Variants in SPATS2L observed in about 807,000 individuals in gnomAD.
The protein encoded by SPATS2L is spermatogenesis associated serine rich 2 like, also known as SPATS2-like protein.
A neutral mutation model predicts 59.6 loss-of-function variants in SPATS2L; 30 were observed. That is an observed-to-expected ratio of 0.50 (90% CI 0.38 to 0.68). The LOEUF (loss-of-function observed/expected upper bound fraction) is 0.68, where lower values mean the gene tolerates loss of function less well. Among genes scored for constraint, SPATS2L ranks in the 30% least tolerant of loss-of-function variants. SPATS2L has a pLI of 0.00. For missense variants in SPATS2L, 615 were observed against 700.0 expected, an observed-to-expected ratio of 0.88 and a Z score of 1.37; for synonymous variants, 252 against 263.5, an observed-to-expected ratio of 0.96 and a Z score of 0.42.
At chr2:200,328,874 G>A (rs1385216140) in intron 1 of SPATS2L, among the ~76,000 whole-genome samples, 1 of 152,120 alleles carries the variant, frequency 6.6e-6, no homozygotes, top group Non-Finnish European at 1.5e-5. Flanking sequence ...GAGAGGAGAG[G>A]ATTATAACAA....
intron 2 of SPATS2L, among the ~76,000 whole-genome samples, chr2:200,345,582 C>T (rs764573956): frequency 2.0e-5 from 3 of 152,068 alleles, no homozygotes; most frequent in Non-Finnish European, 2.9e-5. Flanking sequence ...TTCCTACTCC[C>T]AAATCCCAGG....
intron 3 of SPATS2L, among the ~76,000 whole-genome samples, chr2:200,403,837 C>T (rs1245174109): frequency 6.8e-6 from 1 of 146,978 alleles, no homozygotes; most frequent in East Asian, 1.9e-4. Context: ...CATCATTCAT[C>T]AAGGTCATTT....
intron 2 of SPATS2L, among the ~76,000 whole-genome samples, chr2:200,382,058 G>T (rs368366189): frequency 6.6e-5 from 10 of 152,102 alleles, no homozygotes; most frequent in Admixed American, 3.9e-4. Context: ...CCGTTTTTTG[G>T]TGGGGTCGGG....
At chr2:200,424,332 A>AT (rs2083437759) in intron 6 of SPATS2L, among the ~76,000 whole-genome samples, 1 of 151,924 alleles carries the variant, frequency 6.6e-6, no homozygotes. Context: ...TTAAAAAAAA[A>AT]AGAAAAATTA....
At chr2:200,305,892 T>C, upstream of SPATS2L, 1 of 174,056 alleles carries the variant, frequency 5.7e-6, no homozygotes, top group Non-Finnish European at 1.1e-5. Context: ...CATTTCACTC[T>C]ACTGCCTCTG....
intron 2 of SPATS2L, among the ~76,000 whole-genome samples, chr2:200,373,713 A>G (rs1024178011): frequency 6.6e-6 from 1 of 152,208 alleles, no homozygotes; most frequent in African/African-American, 2.4e-5. Context: ...AGGTAAGTGT[A>G]ACTCGCCTAT....
intron 2 of SPATS2L, among the ~76,000 whole-genome samples, chr2:200,368,268 C>T (rs1387987798): frequency 4.6e-5 from 7 of 152,116 alleles, no homozygotes; most frequent in Non-Finnish European, 1.0e-4. Context: ...GTGGACAATA[C>T]ATAGTTTAGT....
intron 6 of SPATS2L, among the ~76,000 whole-genome samples, chr2:200,428,271 ATAT>A (rs2083702555): frequency 6.6e-6 from 1 of 152,216 alleles, no homozygotes; most frequent in African/African-American, 2.4e-5. Context: ...AATGGCCTCC[ATAT>A]TATTGAATCT....
intron 2 of SPATS2L, chr2:200,378,361 A>C: frequency 1.0e-6 from 1 of 1,002,532 alleles, no homozygotes; most frequent in African/African-American, 1.7e-5. Context: ...AGCACGAGGA[A>C]ACCTTAAAAA....
upstream of SPATS2L, chr2:200,306,508 G>C (rs959530232): frequency 2.0e-6 from 2 of 1,002,498 alleles, no homozygotes; most frequent in Non-Finnish European, 2.4e-6. Flanking sequence ...GTGTCAGAAC[G>C]TGCGTGTGAG....
rs776754229 is a variant in SPATS2L at position 200,479,304 on chromosome 2, A to G, written c.*1273A>G. 60 of 360,036 alleles carry G rather than the reference A, an allele frequency of 1.7e-4. No individual in the cohort carries two copies. Among genetic ancestry groups the G allele is most frequent in the Non-Finnish European group, 2.6e-4 (53 of 202,124 alleles). The allele number at this position is 360,036 out of a possible 1,614,324, so 22.3% of individuals were successfully genotyped here. A position where few individuals can be genotyped will look rare whatever the true frequency, so the allele number is the denominator to read the frequency against. ...CACCATGCTCTTAAGACTCAAGTCT[A>G]TTTTCCACACTGTCCAGAGGAGAGA... On this transcript the variant is annotated 3_prime_UTR_variant, in exon 13 of 13. Transcript: ENST00000409140.
intron 2 of SPATS2L, among the ~76,000 whole-genome samples, chr2:200,369,900 A>G (rs1052091279): frequency 1.3e-5 from 2 of 152,226 alleles, no homozygotes; most frequent in African/African-American, 4.8e-5. Context: ...CTGATGAGAG[A>G]AAAACAAAGT....
intron 6 of SPATS2L, among the ~76,000 whole-genome samples, chr2:200,433,602 C>A (rs2084083556): frequency 6.6e-6 from 1 of 151,940 alleles, no homozygotes; most frequent in Non-Finnish European, 1.5e-5. Context: ...TGAACTGAAT[C>A]ATAATGAAAA....
In SPATS2L at chr2:200,334,138, A is replaced by T. The variant is rs553764462; in HGVS notation, c.-23+4658A>T. ...CCACCAACAGTGTAAAAGTGTTCCT[A>T]TTTCTCCACATCCTCTCCAGCACCT... On this transcript the variant is annotated intron_variant, in intron 2 of 12. Coordinates refer to ENST00000409140, the MANE Select transcript of SPATS2L (RefSeq NM_001100423.2). 1.8e-4 allele frequency among the ~76,000 whole-genome samples: 28 copies of T among 152,182 alleles called. No individual in the cohort carries two copies. The East Asian group carries it at 5.2e-3, about 28-fold the overall frequency.
At chr2:200,309,155 T>C in intron 1 of SPATS2L, 1 of 717,376 alleles carries the variant, frequency 1.4e-6, no homozygotes, top group Admixed American at 2.0e-5. Flanking sequence ...GGCCTAATTT[T>C]TGTGAGTTTC....
At chr2:200,355,625 AGTTGCGG>A (rs1191264024) in intron 2 of SPATS2L, among the ~76,000 whole-genome samples, 5 of 152,234 alleles carry the variant, frequency 3.3e-5, no homozygotes, top group Non-Finnish European at 7.3e-5. Context: ...GATACATTTG[AGTTGCGG>A]AAAGCAGGAC....
intron 1 of SPATS2L, among the ~76,000 whole-genome samples, chr2:200,317,842 T>A (rs1274155990): frequency 6.6e-6 from 1 of 152,168 alleles, no homozygotes; most frequent in Non-Finnish European, 1.5e-5. Flanking sequence ...CACTAAAATA[T>A]CCTGAAAAAG....
intron 2 of SPATS2L, among the ~76,000 whole-genome samples, chr2:200,375,793 AT>A (rs1249534973): frequency 6.6e-6 from 1 of 151,998 alleles, no homozygotes; most frequent in Non-Finnish European, 1.5e-5. Context: ...CACCTGGCTA[AT>A]TTTAGTACTT....
intron 3 of SPATS2L, among the ~76,000 whole-genome samples, chr2:200,404,868 C>T (rs1399965610): frequency 6.6e-6 from 1 of 152,086 alleles, no homozygotes; most frequent in Non-Finnish European, 1.5e-5. Flanking sequence ...TCTTCAAACC[C>T]GGAGAGGCTG....
Sources: gnomAD v4.1 joint callset for allele counts (sites outside exome capture counted in the v4.1 genomes callset) on GRCh38, gnomAD v4.1.1 for gene constraint, MANE v1.5 for transcripts, NCBI Gene and HGNC (gene_info 2026-07-23, HGNC 2026-07-21) for gene names.